Variants in NPIPA1 observed in about 807,000 individuals in gnomAD.
The protein encoded by NPIPA1 is nuclear pore complex interacting protein family member A1, also known as nuclear pore complex-interacting protein family member A1.
For synonymous variants in NPIPA1, 7 were observed against 88.0 expected (o/e 0.08, Z 5.15); for missense variants, 22 against 232.2 (o/e 0.09, Z 5.88).
At chr16:14,942,837 G>A (rs373170187) in intron 2 of NPIPA1, among the ~76,000 whole-genome samples, 5 of 152,268 alleles carry the variant, frequency 3.3e-5, no homozygotes, top group African/African-American at 1.2e-4. Flanking sequence ...TTTTCCTTTG[G>A]GTAAGTTGAG....
At chr16:14,944,883 C>T (rs1965843684) in intron 2 of NPIPA1, among the ~76,000 whole-genome samples, 1 of 150,636 alleles carries the variant, frequency 6.6e-6, no homozygotes, top group East Asian at 2.0e-4. Context: ...GGATTACAGG[C>T]GTGAGCTACC....
intron 1 of NPIPA1, among the ~76,000 whole-genome samples, chr16:14,938,687 A>G (rs1965683577): frequency 1.3e-5 from 2 of 149,540 alleles, no homozygotes; most frequent in Admixed American, 6.7e-5. Context: ...CTAACAAACA[A>G]AACGGACCAA....
intron 5 of NPIPA1, chr16:14,949,307 G>A (rs1392636671): frequency 4.4e-6 from 1 of 227,420 alleles, no homozygotes; most frequent in African/African-American, 4.8e-5. Flanking sequence ...TTCTAGGGGT[G>A]GGGTGAGTTG....
rs1597181772 is a variant in NPIPA1 at position 14,951,923 on chromosome 16, A to C, written c.951A>C (p.Pro317=). 1 of 1,548,476 alleles carries C rather than the reference A, an allele frequency of 6.5e-7. No homozygotes were observed. The highest frequency in any genetic ancestry group is 2.3e-5 in the East Asian group (1 of 42,798). Residue 317 remains proline, a synonymous_variant, in exon 8 of 8, where the codon CCA becomes CCC. Coordinates refer to ENST00000328085, the MANE Select transcript of NPIPA1 (RefSeq NM_006985.4). ...TPPECLLTPL[P]PSAPPSVDDN... The stretch of plus-strand genomic sequence containing the variant: ...CCGAGTGTCTGCTCACTCCCCTTCC[A>C]CCCTCAGCTCCACCCTCAGTGGATG...
At chr16:14,943,528 C>G (rs1965804272) in intron 2 of NPIPA1, among the ~76,000 whole-genome samples, 1 of 149,182 alleles carries the variant, frequency 6.7e-6, no homozygotes, top group Non-Finnish European at 1.5e-5. Context: ...TGGACTTGGA[C>G]AACTTTGTAC....
At chr16:14,943,403 G>C (rs1350497676) in intron 2 of NPIPA1, among the ~76,000 whole-genome samples, 1 of 147,782 alleles carries the variant, frequency 6.8e-6, no homozygotes, top group South Asian at 2.2e-4. Flanking sequence ...TGATCCACCC[G>C]CCTCAGCCTC....
chr16:14,945,236 G>A (rs1168582291), intron 2 of NPIPA1, among the ~76,000 whole-genome samples: 1 of 143,616 alleles, frequency 7.0e-6, no homozygotes, highest in African/African-American at 2.7e-5. Context: ...TGGTGTGTGT[G>A]TGTGTGTGTG....
chr16:14,942,809 A>T (rs1965782744), intron 2 of NPIPA1, among the ~76,000 whole-genome samples: 2 of 152,260 alleles, frequency 1.3e-5, no homozygotes, highest in Non-Finnish European at 2.9e-5. Context: ...TTGTGGCATA[A>T]TTTGTCTTTT....
chr16:14,943,235 C>T (rs1171388172), intron 2 of NPIPA1, among the ~76,000 whole-genome samples: 2 of 151,814 alleles, frequency 1.3e-5, no homozygotes, highest in Non-Finnish European at 2.9e-5. Flanking sequence ...CGGCTCACTG[C>T]AACCTCCACC....
chr16:14,939,116 A>AATC (rs1481513963), intron 1 of NPIPA1, among the ~76,000 whole-genome samples: 1 of 138,602 alleles, frequency 7.2e-6, no homozygotes, highest in Non-Finnish European at 1.5e-5. Context: ...TATTTTATTT[A>AATC]TTTATTTATT....
In NPIPA1 at chr16:14,937,481, CTGT is replaced by C; in HGVS notation, c.40_42del (p.Cys14del). ...TAGGATATGAATGGCTGAGCGGAGG[CTGT>C]AAAACCTGGCACTCTGCTTGGGTAT... On this transcript the variant is annotated inframe_deletion, in exon 1 of 8. Transcript: ENST00000328085. 2.0e-6 allele frequency: 1 copy of C among 508,514 alleles called. No individual in the cohort carries two copies. The highest frequency in any genetic ancestry group is 3.7e-5 in the African/African-American group (1 of 27,278). The allele number at this position is 508,514 out of a possible 1,614,324, so 31.5% of individuals were successfully genotyped here.
chr16:14,946,555 C>T (rs1455931836), intron 4 of NPIPA1, among the ~76,000 whole-genome samples: 19 of 146,828 alleles, frequency 1.3e-4, no homozygotes, highest in Admixed American at 7.1e-4. Context: ...GATAGAGTCT[C>T]GCTCTGTCGC....
chr16:14,946,521 CTTTT>C (rs60690721), intron 4 of NPIPA1, among the ~76,000 whole-genome samples: 2 of 142,712 alleles, frequency 1.4e-5, no homozygotes, highest in African/African-American at 2.6e-5. Flanking sequence ...CACACCCAGG[CTTTT>C]TTTTTTTTTT....
intron 2 of NPIPA1, among the ~76,000 whole-genome samples, chr16:14,944,313 T>C: frequency 6.6e-6 from 1 of 152,152 alleles, no homozygotes; most frequent in South Asian, 2.1e-4. Flanking sequence ...AATTCAGTCA[T>C]TAGTGAGAAT....
intron 4 of NPIPA1, among the ~76,000 whole-genome samples, chr16:14,946,687 A>C (rs1597177219): frequency 5.1e-5 from 6 of 117,140 alleles, no homozygotes; most frequent in African/African-American, 6.4e-5. Flanking sequence ...ACATTCGGCC[A>C]ATTTTTTTTT....
chr16:14,948,040 C>G (rs1480728795), intron 4 of NPIPA1, among the ~76,000 whole-genome samples: 1 of 152,234 alleles, frequency 6.6e-6, no homozygotes, highest in Non-Finnish European at 1.5e-5. Flanking sequence ...TGTTTTCGTC[C>G]CTGTTTCCTA....
At chr16:14,946,647 G>A (rs1200089009) in intron 4 of NPIPA1, among the ~76,000 whole-genome samples, 41 of 141,396 alleles carry the variant, frequency 2.9e-4, no homozygotes, top group East Asian at 1.2e-3. Context: ...TTGGCTTCCC[G>A]AGTAGCTTGG....
At chr16:14,942,958 G>T (rs370104582) in intron 2 of NPIPA1, among the ~76,000 whole-genome samples, 4 of 152,326 alleles carry the variant, frequency 2.6e-5, no homozygotes, top group African/African-American at 9.6e-5. Flanking sequence ...AATGCTTTTT[G>T]ATATTCAAGG....
intron 2 of NPIPA1, among the ~76,000 whole-genome samples, chr16:14,943,546 C>A (rs1402596223): frequency 1.3e-5 from 2 of 149,252 alleles, no homozygotes; most frequent in African/African-American, 4.9e-5. Context: ...TACCTCTCAT[C>A]TTTGTCCTTG....
Sources: gnomAD v4.1 joint callset for allele counts (sites outside exome capture counted in the v4.1 genomes callset) on GRCh38, gnomAD v4.1.1 for gene constraint, MANE v1.5 for transcripts, NCBI Gene and HGNC (gene_info 2026-07-23, HGNC 2026-07-21) for gene names.